Variants in SHPRH observed in about 807,000 individuals in gnomAD.
SHPRH encodes the protein SNF2 histone linker PHD RING helicase.
In SHPRH, 106 loss-of-function variants were observed where a neutral mutation model predicts 202.5. The observed-to-expected ratio is 0.52, with a 90% CI of 0.45 to 0.62. SHPRH has a LOEUF of 0.62. Among genes scored for constraint, SHPRH ranks in the 20% least tolerant of loss-of-function variants. The pLI, the probability that SHPRH is intolerant of heterozygous loss-of-function variation, is 0.00. For missense variants in SHPRH, 1,710 were observed against 2,020.0 expected, an observed-to-expected ratio of 0.85 and a Z score of 2.94; for synonymous variants, 729 against 686.0, an observed-to-expected ratio of 1.06 and a Z score of -0.98.
chr6:145,952,897 C>A (rs1788132272), intron 2 of SHPRH, among the ~76,000 whole-genome samples: 2 of 152,006 alleles, frequency 1.3e-5, no homozygotes, highest in African/African-American at 4.8e-5. Context: ...ATTACTGAAT[C>A]AAACACTAAA....
chr6:145,945,372 C>T lies in SHPRH; in HGVS notation c.1578+9G>A. The T allele has an allele frequency of 6.2e-7, 1 of 1,604,020 alleles. No homozygotes were observed. The highest frequency in any genetic ancestry group is 2.2e-5 in the East Asian group (1 of 44,756). On this transcript the variant is annotated intron_variant, in intron 8 of 29. Coordinates refer to ENST00000275233, the MANE Select transcript of SHPRH (RefSeq NM_001042683.3). ...TACTTAATATAGAGCTGAACTTAAGCTCTGTTACCTGCTTTTTTGTTTTAT... is the reference window on the plus strand; with the variant it reads ...TACTTAATATAGAGCTGAACTTAAGTTCTGTTACCTGCTTTTTTGTTTTAT...
rs1455683737 is a variant in SHPRH at position 145,910,579 on chromosome 6, C to A, written c.4384G>T (p.Glu1462Ter). Residue 1462 changes from glutamate to a stop codon, truncating the protein, a stop_gained, in exon 25 of 30, where the codon GAA becomes TAA. Coordinates refer to ENST00000275233, the MANE Select transcript of SHPRH (RefSeq NM_001042683.3). LOFTEE classifies it high-confidence loss of function. ...FCNECISIII[E>*]QYSVGSHRSS... ...CTGTGAGATCCCACGCTGTATTGTTCAATAATTATAGAAATGCATTCATTA... is the reference window on the plus strand; with the variant it reads ...CTGTGAGATCCCACGCTGTATTGTTAAATAATTATAGAAATGCATTCATTA... 1.2e-6 allele frequency: 2 copies of A among 1,612,654 alleles called. No individual in the cohort carries two copies. Among genetic ancestry groups the A allele is most frequent in the Non-Finnish European group, 1.7e-6 (2 of 1,179,506 alleles).
At chr6:145,879,633 G>A (rs376786605) in intron 2 of SHPRH, among the ~76,000 whole-genome samples, 16 of 152,162 alleles carry the variant, frequency 1.1e-4, no homozygotes, top group South Asian at 1.0e-3. Context: ...ACTAGCAGCC[G>A]GGTGTGGTGG....
At chr6:145,872,707 T>C (rs544533311) in intron 2 of SHPRH, among the ~76,000 whole-genome samples, 1 of 152,330 alleles carries the variant, frequency 6.6e-6, no homozygotes, top group East Asian at 1.9e-4. Flanking sequence ...CAAAGGAATA[T>C]AAATCATTTT....
intron 2 of SHPRH, among the ~76,000 whole-genome samples, chr6:145,875,082 C>T (rs967621354): frequency 1.3e-5 from 2 of 152,082 alleles, no homozygotes; most frequent in African/African-American, 4.8e-5. Context: ...AGATGCTCAA[C>T]CAGTAAGCAC....
chr6:145,932,999 A>C, intron 14 of SHPRH, 58 bp downstream of exon 14: 1 of 1,548,820 alleles, frequency 6.5e-7, no homozygotes. Flanking sequence ...TTTTTTCTAT[A>C]ATTAACCTTC....
At chr6:145,960,478 G>C (rs1788978744) in intron 1 of SHPRH, among the ~76,000 whole-genome samples, 1 of 152,144 alleles carries the variant, frequency 6.6e-6, no homozygotes, top group Admixed American at 6.5e-5. Context: ...TAATAACATG[G>C]TTATTGTGGA....
At chr6:145,900,854 T>A (rs1025012541) in intron 25 of SHPRH, among the ~76,000 whole-genome samples, 1 of 152,148 alleles carries the variant, frequency 6.6e-6, no homozygotes, top group Non-Finnish European at 1.5e-5. Flanking sequence ...TGTGATTTTT[T>A]ATTGTTGCTG....
In SHPRH at chr6:145,943,376, T is replaced by A; in HGVS notation, c.2005A>T (p.Ile669Leu). The change falls in exon 9 of 30, where the codon ATA (isoleucine) becomes TTA (leucine). Residue 669 changes from isoleucine (I) to leucine (L), a missense_variant. By Grantham distance (5) the Ile-to-Leu change is conservative. Transcript: ENST00000275233. Reference protein sequence around the residue: ...FECICGELDQIDRKPRVQCLK... With the variant: ...FECICGELDQLDRKPRVQCLK... The stretch of plus-strand genomic sequence containing the variant: ...CATTGAACACGAGGCTTACGATCTA[T>A]CTGATCAAGTTCACCACATATACAC... The A allele has an allele frequency of 6.2e-7, 1 of 1,614,006 alleles. No homozygotes were observed. Among genetic ancestry groups the A allele is most frequent in the Non-Finnish European group, 8.5e-7 (1 of 1,179,950 alleles).
At chr6:145,862,934 T>C (rs1779632324), downstream of SHPRH, among the ~76,000 whole-genome samples, 1 of 152,256 alleles carries the variant, frequency 6.6e-6, no homozygotes, top group Non-Finnish European at 1.5e-5. Flanking sequence ...AGTCTTTGTA[T>C]TCCCAATGTC....
At position 145,910,637 on chromosome 6, in the gene SHPRH, C is replaced by A; in HGVS notation, c.4327-1G>T. 6.3e-7 allele frequency: 1 copy of A among 1,596,174 alleles called. No individual in the cohort carries two copies. The highest frequency in any genetic ancestry group is 8.6e-7 in the Non-Finnish European group (1 of 1,169,118). ...AGTGACCACAGGTCAGTACCGCCCA[C>A]TAAAAAGAAAACAGAACAAGCCTTA... On this transcript the variant is annotated splice_acceptor_variant, in intron 24 of 29. Coordinates refer to ENST00000275233, the MANE Select transcript of SHPRH (RefSeq NM_001042683.3). LOFTEE classifies it high-confidence loss of function.
intron 21 of SHPRH, among the ~76,000 whole-genome samples, chr6:145,920,105 A>G (rs17225973): frequency 0.082 from 12,538 of 152,196 alleles, 643 homozygotes; most frequent in South Asian, 0.12. Flanking sequence ...GGTATCAATC[A>G]GTATACATTT....
intron 20 of SHPRH, 123 bp from the exon 21 acceptor site, chr6:145,921,515 G>C (rs1309587066): frequency 8.3e-5 from 75 of 898,636 alleles, no homozygotes; most frequent in Non-Finnish European, 1.1e-4. Flanking sequence ...CCTTGAAAAA[G>C]CTGAAAACAT....
At chr6:145,936,614 A>C (rs923232852) in intron 11 of SHPRH, among the ~76,000 whole-genome samples, 2 of 152,124 alleles carry the variant, frequency 1.3e-5, no homozygotes, top group African/African-American at 2.4e-5. Context: ...GGTGTGAGCC[A>C]CCATGTCCGG....
At chr6:145,952,580 T>C (rs996151191) in intron 2 of SHPRH, 102 bp from the exon 3 acceptor site, 5 of 1,087,646 alleles carry the variant, frequency 4.6e-6, no homozygotes, top group Non-Finnish European at 5.0e-6. Context: ...TTTAAAGGTA[T>C]TCATAGCATG....
At chr6:145,945,350 T>C (rs776509060) in intron 8 of SHPRH, 31 bp downstream of exon 8, 7 of 1,585,118 alleles carry the variant, frequency 4.4e-6, no homozygotes, top group South Asian at 1.2e-5. Context: ...ATACGTGTAC[T>C]TAATATAGAG....
chr6:145,962,493 C>T (rs1210498390), intron 1 of SHPRH, among the ~76,000 whole-genome samples: 1 of 152,078 alleles, frequency 6.6e-6, no homozygotes, highest in East Asian at 1.9e-4. Context: ...AATACTAGAA[C>T]GAGGCAGGGA....
At chr6:145,903,200 T>C (rs1007695202) in intron 25 of SHPRH, 3 of 151,894 alleles carry the variant, frequency 2.0e-5, no homozygotes, top group Non-Finnish European at 4.4e-5. Context: ...CTGGATTATA[T>C]TTACCAAATT....
At chr6:145,953,699 C>T (rs776466176) in intron 2 of SHPRH, among the ~76,000 whole-genome samples, 75 of 152,106 alleles carry the variant, frequency 4.9e-4, no homozygotes, top group Middle Eastern at 3.2e-3. Flanking sequence ...ACTTGCTTCA[C>T]AGTTTACAAA....
Sources: allele counts gnomAD v4.1 joint callset (sites outside exome capture counted in the v4.1 genomes callset), GRCh38; gene constraint gnomAD v4.1.1; transcripts MANE v1.5; gene names NCBI Gene and HGNC (gene_info 2026-07-23, HGNC 2026-07-21).